Variants in ITGB5 observed in about 807,000 individuals in gnomAD.
ITGB5 encodes integrin beta-5.
In ITGB5, 38 loss-of-function variants were observed where a neutral mutation model predicts 84.8. The observed-to-expected ratio is 0.45, with a 90% CI of 0.35 to 0.59. The LOEUF is 0.59. ITGB5 is among the 20% of genes least tolerant of loss of function. The pLI is 0.01. For synonymous variants in ITGB5, 393 were observed against 414.4 expected, an observed-to-expected ratio of 0.95 and a Z score of 0.63; for missense variants, 905 against 1,034.5, an observed-to-expected ratio of 0.87 and a Z score of 1.72.
intron 1 of ITGB5, among the ~76,000 whole-genome samples, chr3:124,883,925 G>T (rs1045540868): frequency 6.6e-6 from 1 of 152,104 alleles, no homozygotes; most frequent in Non-Finnish European, 1.5e-5. Context: ...GACGGGAGGG[G>T]GTTGTCAGCC....
intron 10 of ITGB5, among the ~76,000 whole-genome samples, chr3:124,780,452 G>C (rs1321805778): frequency 6.6e-6 from 1 of 152,190 alleles, no homozygotes; most frequent in Non-Finnish European, 1.5e-5. Flanking sequence ...TCCATAGCTG[G>C]CTCAAAAATA....
chr3:124,870,931 C>T (rs1933993513), intron 2 of ITGB5, among the ~76,000 whole-genome samples: 2 of 152,060 alleles, frequency 1.3e-5, no homozygotes, highest in South Asian at 2.1e-4. Context: ...TGCTTTGTCG[C>T]CCAGGCTGGA....
At chr3:124,854,746 G>T (rs1029023809) in intron 3 of ITGB5, among the ~76,000 whole-genome samples, 2 of 152,108 alleles carry the variant, frequency 1.3e-5, no homozygotes, top group Non-Finnish European at 2.9e-5. Context: ...TTAAGTTAGT[G>T]AATTTTATGG....
At position 124,793,165 on chromosome 3, in the gene ITGB5, G is replaced by A. The variant is rs534878913; in HGVS notation, c.1693+3223C>T. On this transcript the variant is annotated intron_variant, in intron 10 of 14. Coordinates refer to ENST00000296181, the MANE Select transcript of ITGB5 (RefSeq NM_002213.5). ...ATCTTAGGAGACAGGAAAAGCCAAA[G>A]TCCAAGACAACCAAGGTCACAGCCT... is the stretch of plus-strand genomic sequence containing the variant. 4 of 152,274 alleles carry A rather than the reference G, an allele frequency of 2.6e-5. No homozygotes were observed. The South Asian group carries it at 8.3e-4, about 32-fold the overall frequency. The allele number at this position is 152,274 out of a possible 1,614,324, so 9.4% of individuals were successfully genotyped here.
rs776085791 is a variant in ITGB5 at position 124,848,523 on chromosome 3, C to T, written c.397G>A (p.Val133Met). The change falls in exon 4 of 15, where the codon GTG becomes ATG. Residue 133 changes from valine to methionine, a missense_variant. Transcript: ENST00000296181. ...KTTFQLQVRQVEDYPVDLYYL... is the reference protein window; with the variant it reads ...KTTFQLQVRQMEDYPVDLYYL... Reference sequence around the variant, plus strand: ...TACAGGTCCACAGGATAGTCCTCCACCTGGCGAACCTGTAGCTGGAAGGTG... The same window carrying T: ...TACAGGTCCACAGGATAGTCCTCCATCTGGCGAACCTGTAGCTGGAAGGTG... 1.1e-5 allele frequency: 17 copies of T among 1,613,546 alleles called. No homozygotes were observed. In the East Asian group the frequency reaches 3.8e-4, roughly 36 times the overall value.
intron 10 of ITGB5, among the ~76,000 whole-genome samples, chr3:124,784,026 T>C (rs973317295): frequency 3.9e-5 from 6 of 152,160 alleles, no homozygotes; most frequent in African/African-American, 1.2e-4. Context: ...GGGCATTCTG[T>C]ATCTGAGTAG....
chr3:124,854,560 T>G (rs1330082943), intron 3 of ITGB5, among the ~76,000 whole-genome samples: 1 of 152,062 alleles, frequency 6.6e-6, no homozygotes, highest in Non-Finnish European at 1.5e-5. Context: ...CAAAACTATA[T>G]AGAGAGAAAG....
intron 9 of ITGB5, among the ~76,000 whole-genome samples, chr3:124,803,758 T>C (rs889620475): frequency 1.3e-5 from 2 of 152,218 alleles, no homozygotes; most frequent in Non-Finnish European, 2.9e-5. Context: ...AGGATTGTAC[T>C]TTGTGCTGGT....
intron 5 of ITGB5, among the ~76,000 whole-genome samples, chr3:124,824,085 AT>A (rs1209303384): frequency 6.6e-6 from 1 of 152,230 alleles, no homozygotes; most frequent in Non-Finnish European, 1.5e-5. Context: ...TGACAAGCTG[AT>A]TATAATATTT....
upstream of ITGB5, chr3:124,887,688 G>A (rs184066934): frequency 2.2e-6 from 1 of 453,600 alleles, no homozygotes; most frequent in Non-Finnish European, 4.4e-6. Context: ...GGGGCACGCT[G>A]TATTAGGCGA....
At chr3:124,803,376 G>C (rs2064345387) in intron 9 of ITGB5, among the ~76,000 whole-genome samples, 1 of 152,086 alleles carries the variant, frequency 6.6e-6, no homozygotes, top group Non-Finnish European at 1.5e-5. Context: ...TTGAGTCTCA[G>C]TTTTTCATAC....
At chr3:124,782,970 CTTTCTTTTT>C (rs1214198375) in intron 10 of ITGB5, among the ~76,000 whole-genome samples, 1 of 147,384 alleles carries the variant, frequency 6.8e-6, no homozygotes, top group Non-Finnish European at 1.5e-5. Context: ...TTTTCCCTTT[CTTTCTTTTT>C]TTTCTTTTTT....
At position 124,819,809 on chromosome 3, in the gene ITGB5, C is replaced by A. The variant is rs770884034; in HGVS notation, c.968G>T (p.Gly323Val). 3 of 1,614,024 alleles carry A rather than the reference C, an allele frequency of 1.9e-6. No homozygotes were observed. The highest frequency in any genetic ancestry group is 1.7e-5 in the Admixed American group (1 of 60,014). The change falls in exon 7 of 15, where the codon GGA becomes GTA. Residue 323 changes from glycine to valine, a missense_variant. Coordinates refer to ENST00000296181, the MANE Select transcript of ITGB5 (RefSeq NM_002213.5). ...QMDYPSLALL[G>V]EKLAENNINL... is the part of the protein sequence containing the mutation. ...GATGTTGTTCTCTGCCAATTTCTCT[C>A]CAAGCAAGGCAAGGGATGGATAGTC...
At position 124,841,607 on chromosome 3, in the gene ITGB5, A is replaced by C; in HGVS notation, c.612-56T>G. 8.9e-6 allele frequency: 14 copies of C among 1,572,008 alleles called. No individual in the cohort carries two copies. In the South Asian group the frequency reaches 1.6e-4, roughly 18 times the overall value. On this transcript the variant is annotated intron_variant, in intron 4 of 14. Transcript: ENST00000296181. The stretch of plus-strand genomic sequence containing the variant: ...CCATCATTGTCTGTAAATCTTAACC[A>C]AGTGTTCTGAGCATTCACTGAGTGC...
At chr3:124,842,945 C>A (rs903564269) in intron 4 of ITGB5, among the ~76,000 whole-genome samples, 5 of 152,158 alleles carry the variant, frequency 3.3e-5, no homozygotes, top group Non-Finnish European at 7.3e-5. Flanking sequence ...CAGCAACAGG[C>A]CCACCCTGCA....
At chr3:124,843,031 G>T (rs565230079) in intron 4 of ITGB5, among the ~76,000 whole-genome samples, 1 of 152,308 alleles carries the variant, frequency 6.6e-6, no homozygotes, top group African/African-American at 2.4e-5. Flanking sequence ...GGATCTCCCT[G>T]CCTGGCTTTC....
At chr3:124,800,091 T>A (rs1478122682) in intron 9 of ITGB5, among the ~76,000 whole-genome samples, 1 of 152,142 alleles carries the variant, frequency 6.6e-6, no homozygotes, top group Non-Finnish European at 1.5e-5. Context: ...TTGCATCTCC[T>A]ATTACTATTT....
intron 5 of ITGB5, among the ~76,000 whole-genome samples, chr3:124,836,864 CA>C (rs1553762542): frequency 6.6e-6 from 1 of 152,124 alleles, no homozygotes; most frequent in Non-Finnish European, 1.5e-5. Context: ...CTTACTCATC[CA>C]ACTATTTTTG....
At chr3:124,827,749 AG>A (rs544312883) in intron 5 of ITGB5, among the ~76,000 whole-genome samples, 89 of 152,352 alleles carry the variant, frequency 5.8e-4, no homozygotes, top group African/African-American at 2.1e-3. Flanking sequence ...TCACAAAAGA[AG>A]TGAAAATGGC....
Sources: allele counts gnomAD v4.1 joint callset (sites outside exome capture counted in the v4.1 genomes callset), GRCh38; gene constraint gnomAD v4.1.1; transcripts MANE v1.5; gene names NCBI Gene and HGNC (gene_info 2026-07-23, HGNC 2026-07-21).